Variants in ARHGEF10 observed in about 807,000 individuals in gnomAD.
ARHGEF10 encodes Rho guanine nucleotide exchange factor (GEF) 10.
In ARHGEF10, 140 loss-of-function variants were observed where a neutral mutation model predicts 147.4. The observed-to-expected ratio is 0.95, with a 90% confidence interval of 0.83 to 1.09. The LOEUF (loss-of-function observed/expected upper bound fraction) is 1.09, where lower values mean the gene tolerates loss of function less well. ARHGEF10 is among the 50% of genes least tolerant of loss of function. ARHGEF10 has a pLI of 0.00. For missense variants in ARHGEF10, 2,222 were observed against 1,752.7 expected (o/e 1.27, Z -4.78); for synonymous variants, 902 against 695.8 (o/e 1.30, Z -4.67).
chr8:1,914,559 C>G, intron 18 of ARHGEF10, among the ~76,000 whole-genome samples: 1 of 152,346 alleles, frequency 6.6e-6, no homozygotes, highest in East Asian at 1.9e-4. Context: ...GAGTGAACTT[C>G]GTTTTGAAGG....
At chr8:1,859,700 C>A (rs4559282) in intron 3 of ARHGEF10, among the ~76,000 whole-genome samples, 197 bp from the exon 4 acceptor site, 1 of 152,226 alleles carries the variant, frequency 6.6e-6, no homozygotes, top group Non-Finnish European at 1.5e-5. Context: ...TCCGTCTCAC[C>A]TGTGCCCAGA....
intron 1 of ARHGEF10, 79 bp downstream of exon 1, chr8:1,824,192 C>T (rs1802594639): frequency 6.6e-6 from 1 of 152,208 alleles, no homozygotes; most frequent in South Asian, 2.1e-4. Flanking sequence ...TGCCCGGCTC[C>T]CCCGAAATCG....
chr8:1,914,151 G>A (rs1269210715), intron 18 of ARHGEF10, among the ~76,000 whole-genome samples: 2 of 152,232 alleles, frequency 1.3e-5, no homozygotes, highest in Non-Finnish European at 2.9e-5. Context: ...GAGCCCGGCC[G>A]AAGGAAGCTT....
intron 26 of ARHGEF10, among the ~76,000 whole-genome samples, chr8:1,935,533 G>A (rs1196469860): frequency 1.3e-5 from 2 of 152,170 alleles, no homozygotes; most frequent in African/African-American, 2.4e-5. Flanking sequence ...CACTAAGTAC[G>A]ACCTGGTTGG....
At chr8:1,864,721 T>C (rs1203041771) in intron 5 of ARHGEF10, among the ~76,000 whole-genome samples, 1 of 152,198 alleles carries the variant, frequency 6.6e-6, no homozygotes, top group Non-Finnish European at 1.5e-5. Flanking sequence ...CCTCATTTGC[T>C]TTTCTCCTTT....
chr8:1,823,508 C>T (rs1802527126), upstream of ARHGEF10, among the ~76,000 whole-genome samples: 1 of 151,904 alleles, frequency 6.6e-6, no homozygotes, highest in South Asian at 2.1e-4. Context: ...CCGTGGGGGT[C>T]CGCAGAAAGG....
intron 19 of ARHGEF10, 83 bp downstream of exon 19, chr8:1,923,162 C>A: frequency 1.8e-6 from 2 of 1,088,356 alleles, no homozygotes; most frequent in Non-Finnish European, 2.7e-6. Context: ...CCAAGTTCTA[C>A]CAGAAGTGAG....
At chr8:1,872,369 T>A (rs1055487931) in intron 7 of ARHGEF10, among the ~76,000 whole-genome samples, 2 of 152,214 alleles carry the variant, frequency 1.3e-5, no homozygotes, top group Non-Finnish European at 2.9e-5. Flanking sequence ...TCGCATGCAC[T>A]GTTCCAGTGA....
chr8:1,876,813 A>G, intron 8 of ARHGEF10, 79 bp downstream of exon 8: 1 of 1,472,438 alleles, frequency 6.8e-7, no homozygotes, highest in Non-Finnish European at 9.5e-7. Context: ...ATTGTGATCC[A>G]CCTAGTACTT....
chr8:1,903,605 G>C (rs73542977), intron 16 of ARHGEF10, 154 bp downstream of exon 16: 1 of 880,570 alleles, frequency 1.1e-6, no homozygotes, highest in East Asian at 2.6e-5. Flanking sequence ...CTTCGGGAGA[G>C]TCACACCAAT....
Position 1,945,569 on chromosome 8 carries a change from G to A in ARHGEF10, c.3311G>A (p.Gly1104Glu). The A allele has an allele frequency of 1.2e-6, 2 of 1,614,212 alleles. No individual in the cohort carries two copies. Among genetic ancestry groups the A allele is most frequent in the South Asian group, 2.2e-5 (2 of 91,086 alleles). Residue 1104 changes from glycine to glutamate, a missense_variant, in exon 27 of 29, where the codon GGG becomes GAG. Gly to Glu is a moderately conservative substitution (Grantham distance 98). Transcript: ENST00000349830. ...GGGATCTGGATTGCCTTCACCTCAG[G>A]GTCCACGCTCCGCCTTTTTCACACG... The part of the protein sequence containing the change: ...GVGIWIAFTS[G>E]STLRLFHTET...
Position 1,889,661 on chromosome 8 carries a change from C to T in ARHGEF10, c.1183-3908C>T, listed in dbSNP as rs974739362. ...GTGTGGTGTGAGTTGTGAGAAAACT[C>T]GGAGTGGGGTGAGGGTCGTGAGGAA... On this transcript the variant is annotated intron_variant, in intron 11 of 28. Coordinates refer to ENST00000349830, the MANE Select transcript of ARHGEF10 (RefSeq NM_014629.4). Among the ~76,000 whole-genome samples, 6 of 73,716 alleles carry T rather than the reference C, an allele frequency of 8.1e-5. 2 individuals are homozygous for T. Among genetic ancestry groups the T allele is most frequent in the African/African-American group, 4.1e-4 (6 of 14,482 alleles). The allele number at this position is 73,716 out of a possible 152,430, so 48.4% of individuals were successfully genotyped here. A position where few individuals can be genotyped will look rare whatever the true frequency, so the allele number is the denominator to read the frequency against.
chr8:1,874,235 C>T (rs892262368), intron 7 of ARHGEF10, among the ~76,000 whole-genome samples: 1 of 152,212 alleles, frequency 6.6e-6, no homozygotes, highest in Non-Finnish European at 1.5e-5. Flanking sequence ...AATTGCGTTT[C>T]TAAAACATTG....
At chr8:1,885,376 T>C (rs1808568567) in intron 10 of ARHGEF10, among the ~76,000 whole-genome samples, 3 of 152,248 alleles carry the variant, frequency 2.0e-5, no homozygotes, top group Admixed American at 1.3e-4. Flanking sequence ...AGTTAAACTT[T>C]AAATACTGAA....
At position 1,948,379 on chromosome 8, in the gene ARHGEF10, G is replaced by A. The variant is rs748453660; in HGVS notation, c.3397+2724G>A. 1.3e-5 allele frequency among the ~76,000 whole-genome samples: 2 copies of A among 152,318 alleles called. No individual in the cohort carries two copies. Among genetic ancestry groups the A allele is most frequent in the South Asian group, 2.1e-4 (1 of 4,830 alleles). ...CATGAGTCTGTCCAGATGGAGTGCCGTGCTTCTCGTTGGCAGGTTTCTCCG... is the reference window on the plus strand; with the variant it reads ...CATGAGTCTGTCCAGATGGAGTGCCATGCTTCTCGTTGGCAGGTTTCTCCG... On this transcript the variant is annotated intron_variant, in intron 27 of 28. Coordinates refer to ENST00000349830, the MANE Select transcript of ARHGEF10 (RefSeq NM_014629.4). This position sits in a 1 kb window ranked among gnomAD's most constrained non-coding sequence, Gnocchi z 4.9.
chr8:1,864,293 A>AT, intron 4 of ARHGEF10, 80 bp from the exon 5 acceptor site: 1 of 1,437,440 alleles, frequency 7.0e-7, no homozygotes, highest in Non-Finnish European at 9.8e-7. Flanking sequence ...GTGTGAAACC[A>AT]TTTTTAAGGG....
At chr8:1,882,382 G>A (rs1367111432) in intron 9 of ARHGEF10, among the ~76,000 whole-genome samples, 2 of 152,202 alleles carry the variant, frequency 1.3e-5, no homozygotes, top group South Asian at 2.1e-4. Context: ...CTTTGTGTGA[G>A]TGGATCACAT....
intron 19 of ARHGEF10, 147 bp downstream of exon 19, chr8:1,923,226 A>G (rs1812432256): frequency 2.4e-6 from 2 of 849,770 alleles, no homozygotes; most frequent in Non-Finnish European, 3.7e-6. Context: ...CTTACGTTAG[A>G]TAAGGTGAGA....
intron 5 of ARHGEF10, 60 bp downstream of exon 5, chr8:1,864,496 C>G (rs937978319): frequency 3.2e-6 from 5 of 1,543,014 alleles, no homozygotes; most frequent in East Asian, 2.2e-5. Flanking sequence ...AGGAGCTGGA[C>G]GTGGGGATCC....
Sources: allele counts gnomAD v4.1 joint callset (sites outside exome capture counted in the v4.1 genomes callset), GRCh38; gene constraint gnomAD v4.1.1; non-coding constraint Gnocchi (gnomAD v3.1); transcripts MANE v1.5; gene names NCBI Gene and HGNC (gene_info 2026-07-23, HGNC 2026-07-21).